RIMS1: variants seen among roughly 807,000 people sequenced by gnomAD.
RIMS1 encodes the protein regulating synaptic membrane exocytosis 1, also known as regulating synaptic membrane exocytosis protein 1.
RIMS1 carries 83 observed loss-of-function variants against 214.1 expected under a neutral mutation model. The observed-to-expected ratio is 0.39, with a 90% CI of 0.32 to 0.47. RIMS1 has a LOEUF of 0.47. RIMS1 is among the 20% of genes least tolerant of loss of function. The pLI is 0.99. For missense variants in RIMS1, 2,050 were observed against 2,161.8 expected (o/e 0.95, Z 1.03); for synonymous variants, 793 against 786.8 (o/e 1.01, Z -0.13).
chr6:72,214,277 A>G (rs2054750010), intron 6 of RIMS1, among the ~76,000 whole-genome samples: 1 of 152,186 alleles, frequency 6.6e-6, no homozygotes, highest in South Asian at 2.1e-4. Context: ...TAATAAACCA[A>G]ACAGGGTTTG....
intron 2 of RIMS1, among the ~76,000 whole-genome samples, chr6:71,980,256 G>T (rs1050279071): frequency 1.3e-5 from 2 of 152,038 alleles, no homozygotes; most frequent in African/African-American, 2.4e-5. Context: ...AGTGTGAGAA[G>T]GAAGATATTA....
chr6:72,129,008 T>G (rs938050226), intron 4 of RIMS1, among the ~76,000 whole-genome samples: 1 of 152,190 alleles, frequency 6.6e-6, no homozygotes, highest in Non-Finnish European at 1.5e-5. Context: ...ATAATTATTG[T>G]TCCCATTTCA....
At chr6:71,994,750 G>C (rs1221331840) in intron 2 of RIMS1, among the ~76,000 whole-genome samples, 1 of 152,140 alleles carries the variant, frequency 6.6e-6, no homozygotes, top group Non-Finnish European at 1.5e-5. Context: ...GTGGAATGAA[G>C]ATTGTATTTT....
Position 72,073,691 on chromosome 6 carries a change from C to T in RIMS1, c.246-23258C>T, listed in dbSNP as rs528798242. Among the ~76,000 whole-genome samples, 208 of 152,292 alleles carry T rather than the reference C, an allele frequency of 1.4e-3. 1 individual carries two copies. The highest frequency in any genetic ancestry group is 4.8e-3 in the African/African-American group (198 of 41,562). ...ATTCAAAAGGAGTGGCTTTTCTGGT[C>T]AATCAAATACAACTAAGTATTCTAC... is the stretch of plus-strand genomic sequence containing the variant. On this transcript the variant is annotated intron_variant, in intron 2 of 33. Transcript: ENST00000521978.
At chr6:71,946,200 A>T (rs964442076) in intron 1 of RIMS1, among the ~76,000 whole-genome samples, 1 of 152,254 alleles carries the variant, frequency 6.6e-6, no homozygotes, top group African/African-American at 2.4e-5. Flanking sequence ...ACCTGTGTTC[A>T]TGGGTTGGAA....
At chr6:72,340,742 C>G (rs563464863) in intron 29 of RIMS1, among the ~76,000 whole-genome samples, 71 of 152,112 alleles carry the variant, frequency 4.7e-4, no homozygotes, top group Admixed American at 2.2e-3. Context: ...GTTCTTTTGG[C>G]TTAGGGTTGA....
intron 4 of RIMS1, among the ~76,000 whole-genome samples, chr6:72,138,063 C>G (rs1354132319): frequency 6.6e-6 from 1 of 151,688 alleles, no homozygotes; most frequent in East Asian, 1.9e-4. Flanking sequence ...ATGCAAAGAT[C>G]GTATGTGAGT....
At chr6:71,996,070 A>G (rs1353927358) in intron 2 of RIMS1, among the ~76,000 whole-genome samples, 2 of 151,868 alleles carry the variant, frequency 1.3e-5, no homozygotes, top group East Asian at 1.9e-4. Flanking sequence ...ATGAGCCACC[A>G]CTCCCAGACA....
intron 29 of RIMS1, 138 bp from the exon 30 acceptor site, chr6:72,390,460 T>G: frequency 1.0e-6 from 1 of 979,498 alleles, no homozygotes; most frequent in Admixed American, 2.7e-5. Flanking sequence ...TCAAGCAAAG[T>G]ACTCCCTTAG....
intron 2 of RIMS1, among the ~76,000 whole-genome samples, chr6:72,092,318 T>G (rs1836509611): frequency 7.2e-6 from 1 of 138,248 alleles, no homozygotes; most frequent in African/African-American, 2.6e-5. Flanking sequence ...CCTTCCTTCC[T>G]TCCATAATAT....
chr6:72,058,194 C>T (rs1276232869), intron 2 of RIMS1, among the ~76,000 whole-genome samples: 5 of 152,216 alleles, frequency 3.3e-5, no homozygotes, highest in African/African-American at 9.7e-5. Context: ...GACTTTCTGA[C>T]CTTGACCTTT....
chr6:72,235,900 A>ATTTTC (rs58950183), intron 8 of RIMS1, among the ~76,000 whole-genome samples, 172 bp downstream of exon 8: 106,288 of 151,428 alleles, frequency 0.7, 38,133 homozygotes, highest in East Asian at 0.98. Context: ...AAACTAATGT[A>ATTTTC]TTCTGACTAT....
intron 19 of RIMS1, 21 bp downstream of exon 19, chr6:72,260,788 A>G: frequency 6.2e-7 from 1 of 1,610,952 alleles, no homozygotes. Flanking sequence ...GGATTTGGTA[A>G]TGGTGACTGT....
chr6:72,337,320 C>G (rs529791187), intron 29 of RIMS1, among the ~76,000 whole-genome samples: 3 of 151,894 alleles, frequency 2.0e-5, no homozygotes, highest in African/African-American at 7.2e-5. Context: ...CTTCTCCTCA[C>G]TTGAAAATGA....
At chr6:72,370,390 A>C (rs2098178635) in intron 29 of RIMS1, among the ~76,000 whole-genome samples, 1 of 152,190 alleles carries the variant, frequency 6.6e-6, no homozygotes, top group Non-Finnish European at 1.5e-5. Context: ...TTGCCCCCAC[A>C]GTCATGAATG....
At chr6:72,101,581 G>A (rs1024152924) in intron 4 of RIMS1, among the ~76,000 whole-genome samples, 4 of 151,896 alleles carry the variant, frequency 2.6e-5, no homozygotes, top group Non-Finnish European at 5.9e-5. Context: ...TTACATGTGT[G>A]TGGTGTTGGT....
chr6:72,124,529 G>T (rs562546283), intron 4 of RIMS1, among the ~76,000 whole-genome samples: 59 of 151,968 alleles, frequency 3.9e-4, no homozygotes, highest in African/African-American at 1.4e-3. Flanking sequence ...GGCCAGCCTT[G>T]CTAGGTTGGG....
chr6:72,208,088 C>T (rs1289232547), intron 6 of RIMS1, among the ~76,000 whole-genome samples: 2 of 152,094 alleles, frequency 1.3e-5, no homozygotes, highest in African/African-American at 4.8e-5. Context: ...CATCTTTATA[C>T]AAGACCAGGA....
At chr6:72,246,278 A>T (rs889768929) in intron 11 of RIMS1, among the ~76,000 whole-genome samples, 1 of 152,188 alleles carries the variant, frequency 6.6e-6, no homozygotes, top group Non-Finnish European at 1.5e-5. Flanking sequence ...ATTACTGAAT[A>T]ACAAAGTGTG....
Sources: gnomAD v4.1 joint callset for allele counts (sites outside exome capture counted in the v4.1 genomes callset) on GRCh38, gnomAD v4.1.1 for gene constraint, MANE v1.5 for transcripts, NCBI Gene and HGNC (gene_info 2026-07-23, HGNC 2026-07-21) for gene names.